PHF2: variants seen among roughly 807,000 people sequenced by gnomAD.
PHF2 encodes PHD finger protein 2.
In PHF2, 27 loss-of-function variants were observed where a neutral mutation model predicts 120.5. The ratio of observed to expected loss-of-function variants is 0.22; its 90% CI spans 0.17 to 0.31. The LOEUF (loss-of-function observed/expected upper bound fraction) is 0.31. Among genes scored for constraint, PHF2 ranks in the 10% least tolerant of loss-of-function variants. The pLI is 1.00. For missense variants in PHF2, 1,024 were observed against 1,434.8 expected, an observed-to-expected ratio of 0.71 and a Z score of 4.63; for synonymous variants, 568 against 592.5, an observed-to-expected ratio of 0.96 and a Z score of 0.60.
intron 1 of PHF2, among the ~76,000 whole-genome samples, chr9:93,626,537 T>C (rs891094032): frequency 1.3e-5 from 2 of 152,252 alleles, no homozygotes; most frequent in Admixed American, 6.5e-5. Flanking sequence ...ACTTGCCTTC[T>C]TACTCTGTTG....
At chr9:93,581,291 A>G (rs937174071) in intron 1 of PHF2, among the ~76,000 whole-genome samples, 1 of 152,182 alleles carries the variant, frequency 6.6e-6, no homozygotes, top group African/African-American at 2.4e-5. Flanking sequence ...CTCGCGCTGC[A>G]GGCCAGCTCT....
At chr9:93,600,204 G>A (rs1455369097) in intron 1 of PHF2, among the ~76,000 whole-genome samples, 3 of 135,864 alleles carry the variant, frequency 2.2e-5, no homozygotes, top group Non-Finnish European at 5.0e-5. Context: ...GCATGTGTGT[G>A]TGGTATGTGG....
At chr9:93,581,048 G>C (rs1297842082) in intron 1 of PHF2, among the ~76,000 whole-genome samples, 1 of 152,154 alleles carries the variant, frequency 6.6e-6, no homozygotes, top group Non-Finnish European at 1.5e-5. Flanking sequence ...TTCTGGAAGT[G>C]CTCAGAAGGT....
chr9:93,617,459 G>A (rs1418807978), intron 1 of PHF2, among the ~76,000 whole-genome samples: 8 of 152,126 alleles, frequency 5.3e-5, no homozygotes, highest in Non-Finnish European at 7.4e-5. Context: ...CAGGTTTTGC[G>A]GGGAGCAGGC....
chr9:93,648,425 G>A (rs1402057681), intron 4 of PHF2, among the ~76,000 whole-genome samples: 1 of 152,214 alleles, frequency 6.6e-6, no homozygotes, highest in Non-Finnish European at 1.5e-5. Flanking sequence ...AAGGCCAGTG[G>A]CCCCGGCATC....
chr9:93,590,949 C>T, intron 1 of PHF2, among the ~76,000 whole-genome samples: 1 of 152,240 alleles, frequency 6.6e-6, no homozygotes, highest in Non-Finnish European at 1.5e-5. Context: ...CCCCAGATGC[C>T]TTCACACACC....
rs145458477 is a variant in PHF2, at chr9:93,667,010, C to A, written c.2188-70C>A. On this transcript the variant is annotated intron_variant, in intron 16 of 21. Coordinates refer to ENST00000359246, the MANE Select transcript of PHF2 (RefSeq NM_005392.4). ...AGTCCCTGAAGGGAAAAAGTATCCT[C>A]CTCCCAACTCCCAGGCCACTTTGGT... The A allele has an allele frequency of 2.8e-5, 37 of 1,339,386 alleles. No homozygotes were observed. The African/African-American group carries it at 5.0e-4, about 18-fold the overall frequency. The allele number at this position is 1,339,386 out of a possible 1,614,324, so 83.0% of individuals were successfully genotyped here. A position where few individuals can be genotyped will look rare whatever the true frequency, so the allele number is the denominator to read the frequency against.
In PHF2 at chr9:93,659,594, C is replaced by T; in HGVS notation, c.1323C>T (p.Leu441=). ...LIKDLAKEIR[L]SENASKAVRP... ...AAGACCTGGCCAAAGAGATCCGGCT[C>T]AGTGAGGTGGGGCCGTGTCCAGGTG... The change falls in exon 11 of 22, where the codon CTC becomes CTT. Residue 441 remains leucine, a synonymous_variant. Coordinates refer to ENST00000359246, the MANE Select transcript of PHF2 (RefSeq NM_005392.4). The T allele has an allele frequency of 6.2e-7, 1 of 1,613,936 alleles. No homozygotes were observed. Among genetic ancestry groups the T allele is most frequent in the Non-Finnish European group, 8.5e-7 (1 of 1,179,924 alleles).
At chr9:93,576,984 GC>G in intron 1 of PHF2, 113 bp downstream of exon 1, 1 of 258,236 alleles carries the variant, frequency 3.9e-6, no homozygotes, top group Non-Finnish European at 5.9e-6. Context: ...ACGGGCCGCC[GC>G]CGCCGCCGCC....
intron 10 of PHF2, 28 bp from the exon 11 acceptor site, chr9:93,659,483 G>A (rs766331357): frequency 6.2e-7 from 1 of 1,600,582 alleles, no homozygotes; most frequent in South Asian, 1.1e-5. Context: ...GGTGTCTGGT[G>A]CTGACCCTGG....
chr9:93,665,927 C>T (rs1254973845), intron 15 of PHF2, 63 bp downstream of exon 15: 3 of 1,612,166 alleles, frequency 1.9e-6, no homozygotes, highest in Non-Finnish European at 2.5e-6. Flanking sequence ...CCGGAGAGGT[C>T]TTCCCAGGGT....
chr9:93,649,374 C>CTTTTT (rs752368762), intron 5 of PHF2, among the ~76,000 whole-genome samples, 162 bp downstream of exon 5: 7 of 105,810 alleles, frequency 6.6e-5, no homozygotes, highest in African/African-American at 1.1e-4. Flanking sequence ...AAATTTTTTC[C>CTTTTT]TTTTTTTTTT....
intron 10 of PHF2, among the ~76,000 whole-genome samples, chr9:93,658,825 T>G (rs940284378): frequency 1.3e-5 from 2 of 152,156 alleles, no homozygotes; most frequent in Non-Finnish European, 2.9e-5. Flanking sequence ...CTCTTACCGA[T>G]GACCATCCTG....
At chr9:93,589,275 A>G (rs893450506) in intron 1 of PHF2, among the ~76,000 whole-genome samples, 4 of 152,190 alleles carry the variant, frequency 2.6e-5, no homozygotes, top group Non-Finnish European at 4.4e-5. Context: ...TAATAATTGA[A>G]ACTGGCCCCA....
chr9:93,676,475 CCCT>C, intron 20 of PHF2, 116 bp from the exon 21 acceptor site: 1 of 1,270,434 alleles, frequency 7.9e-7, no homozygotes, highest in South Asian at 1.5e-5. Flanking sequence ...GGCCTCAGGC[CCCT>C]GCTGCCCAGC....
At chr9:93,618,539 C>T (rs1421636298) in intron 1 of PHF2, among the ~76,000 whole-genome samples, 6 of 152,224 alleles carry the variant, frequency 3.9e-5, no homozygotes, top group African/African-American at 7.2e-5. Flanking sequence ...CATGCACATA[C>T]GCACACATAT....
chr9:93,581,949 G>A (rs1230877401), intron 1 of PHF2, among the ~76,000 whole-genome samples: 1 of 152,206 alleles, frequency 6.6e-6, no homozygotes, highest in Non-Finnish European at 1.5e-5. Context: ...AATTCAGGGT[G>A]TGGGTAAAAC....
intron 1 of PHF2, among the ~76,000 whole-genome samples, chr9:93,612,622 C>T (rs1417397595): frequency 6.6e-6 from 1 of 152,254 alleles, no homozygotes; most frequent in African/African-American, 2.4e-5. Context: ...TTGTATACTA[C>T]ATCCTTCACA....
At chr9:93,587,795 G>A (rs1489905522) in intron 1 of PHF2, among the ~76,000 whole-genome samples, 5 of 152,126 alleles carry the variant, frequency 3.3e-5, no homozygotes, top group African/African-American at 7.2e-5. Context: ...CCCAGCCTGT[G>A]TCTGTGTAGC....
Sources: gnomAD v4.1 joint callset for allele counts (sites outside exome capture counted in the v4.1 genomes callset) on GRCh38, gnomAD v4.1.1 for gene constraint, MANE v1.5 for transcripts, NCBI Gene and HGNC (gene_info 2026-07-23, HGNC 2026-07-21) for gene names.